The following ADGRL3 variants were observed in gnomAD, a reference collection of about 807,000 sequenced individuals.
The protein encoded by ADGRL3 is calcium-independent alpha-latrotoxin receptor 3.
Under a neutral mutation model 153.5 loss-of-function variants are expected in ADGRL3, and 62 were observed. The observed-to-expected ratio is 0.40, with a 90% CI of 0.33 to 0.50. The LOEUF (loss-of-function observed/expected upper bound fraction) is 0.50. Ranked by LOEUF, ADGRL3 falls within the 20% of genes least tolerant of loss-of-function variation. ADGRL3 has a pLI of 0.47. For missense variants in ADGRL3, 1,641 were observed against 1,859.4 expected (o/e 0.88, Z 2.16); for synonymous variants, 710 against 672.5 (o/e 1.06, Z -0.86).
At chr4:61,755,463 G>A (rs1382380908) in intron 8 of ADGRL3, among the ~76,000 whole-genome samples, 11 of 152,124 alleles carry the variant, frequency 7.2e-5, no homozygotes, top group Non-Finnish European at 1.5e-5. Context: ...TTTTGATGGG[G>A]TTGTTTGTTT....
chr4:61,833,708 A>G (rs148397436), intron 9 of ADGRL3, among the ~76,000 whole-genome samples: 2,310 of 152,182 alleles, frequency 0.015, 54 homozygotes, highest in African/African-American at 0.049. Context: ...TGACTCCTAA[A>G]CCACAATTTC....
rs969258292 is a variant in ADGRL3 at position 62,037,518 on chromosome 4, G to A, written c.3592-213G>A. Reference sequence around the variant, plus strand: ...TGTGTGTATAAGTGTGTGTGTGTGTGTTTTAAAAGGCTCCAGTTAGGCAAA... The same window carrying A: ...TGTGTGTATAAGTGTGTGTGTGTGTATTTTAAAAGGCTCCAGTTAGGCAAA... On this transcript the variant is annotated intron_variant, in intron 23 of 26. Coordinates refer to ENST00000683033, the MANE Select transcript of ADGRL3 (RefSeq NM_001387552.1). 6.6e-5 allele frequency among the ~76,000 whole-genome samples: 10 copies of A among 152,048 alleles called. 1 individual carries two copies. Among genetic ancestry groups the A allele is most frequent in the South Asian group, 4.1e-4 (2 of 4,832 alleles).
At chr4:61,279,872 T>C (rs1390284354) in intron 1 of ADGRL3, among the ~76,000 whole-genome samples, 1 of 152,098 alleles carries the variant, frequency 6.6e-6, no homozygotes, top group Non-Finnish European at 1.5e-5. Flanking sequence ...TTAACCCCTT[T>C]GGCCAAAGTT....
At chr4:61,729,704 T>C (rs2096407364) in intron 6 of ADGRL3, among the ~76,000 whole-genome samples, 1 of 151,986 alleles carries the variant, frequency 6.6e-6, no homozygotes, top group Non-Finnish European at 1.5e-5. Flanking sequence ...ATTGTCTCTG[T>C]GAAACAAAAT....
chr4:61,686,256 A>T (rs7690118), intron 6 of ADGRL3, among the ~76,000 whole-genome samples: 85,000 of 151,848 alleles, frequency 0.56, 24,562 homozygotes, highest in Non-Finnish European at 0.66. Context: ...AAGAATAGTA[A>T]AAGACATACA....
At chr4:61,419,578 G>A (rs891681411) in intron 2 of ADGRL3, among the ~76,000 whole-genome samples, 2 of 152,042 alleles carry the variant, frequency 1.3e-5, no homozygotes, top group African/African-American at 4.8e-5. Flanking sequence ...AGAATACCCC[G>A]AGTACCCACA....
At chr4:61,565,796 C>A (rs763784220) in intron 4 of ADGRL3, among the ~76,000 whole-genome samples, 23 of 152,056 alleles carry the variant, frequency 1.5e-4, no homozygotes, top group Non-Finnish European at 3.2e-4. Context: ...CCTAGGCCTC[C>A]CAAAGTGCTG....
intron 1 of ADGRL3, among the ~76,000 whole-genome samples, chr4:61,344,619 G>A (rs908839978): frequency 6.6e-6 from 1 of 151,822 alleles, no homozygotes; most frequent in African/African-American, 2.4e-5. Context: ...GTTTTACAGT[G>A]TGAGATTGGT....
chr4:61,693,264 T>C (rs2095573856), intron 6 of ADGRL3, among the ~76,000 whole-genome samples: 1 of 152,124 alleles, frequency 6.6e-6, no homozygotes, highest in Non-Finnish European at 1.5e-5. Context: ...TAGTTTCCTA[T>C]ATAAAGTAAC....
At chr4:61,203,050 G>C (rs887362790) in intron 1 of ADGRL3, among the ~76,000 whole-genome samples, 1 of 152,190 alleles carries the variant, frequency 6.6e-6, no homozygotes, top group East Asian at 1.9e-4. Context: ...GGCGACATGC[G>C]TGCGGCGCGT....
intron 1 of ADGRL3, among the ~76,000 whole-genome samples, chr4:61,239,878 A>G (rs2149308791): frequency 6.6e-6 from 1 of 152,262 alleles, no homozygotes; most frequent in South Asian, 2.1e-4. Flanking sequence ...AGAATTGGCT[A>G]TGATGTTTAA....
intron 4 of ADGRL3, among the ~76,000 whole-genome samples, chr4:61,535,297 A>T (rs780179313): frequency 2.0e-5 from 3 of 151,874 alleles, no homozygotes; most frequent in Non-Finnish European, 4.4e-5. Context: ...GACCCATTTG[A>T]TCGTGATGGA....
intron 1 of ADGRL3, among the ~76,000 whole-genome samples, chr4:61,341,389 TA>T (rs945114642): frequency 1.3e-5 from 2 of 151,768 alleles, no homozygotes; most frequent in African/African-American, 4.8e-5. Flanking sequence ...CAGAAGTATG[TA>T]AAATAAAAAG....
chr4:61,279,604 T>G (rs2093633003), intron 1 of ADGRL3, among the ~76,000 whole-genome samples: 1 of 152,174 alleles, frequency 6.6e-6, no homozygotes, highest in Admixed American at 6.5e-5. Context: ...TGATTCTATA[T>G]GTATAAAAGT....
At chr4:62,009,929 T>C (rs1157281252) in intron 21 of ADGRL3, among the ~76,000 whole-genome samples, 1 of 152,146 alleles carries the variant, frequency 6.6e-6, no homozygotes, top group African/African-American at 2.4e-5. Context: ...AGAAAAGTGC[T>C]GTACTTCTGA....
chr4:61,237,148 A>G (rs1477245343), intron 1 of ADGRL3, among the ~76,000 whole-genome samples: 1 of 152,188 alleles, frequency 6.6e-6, no homozygotes, highest in African/African-American at 2.4e-5. Context: ...ATGCATGAGT[A>G]GTTAGCAATG....
At chr4:62,043,733 G>GA (rs541705415) in intron 24 of ADGRL3, among the ~76,000 whole-genome samples, 11 of 151,748 alleles carry the variant, frequency 7.2e-5, no homozygotes, top group South Asian at 4.2e-4. Flanking sequence ...GAATAAAAAA[G>GA]AAAAAAATCC....
At chr4:61,280,111 T>C (rs1194660137) in intron 1 of ADGRL3, among the ~76,000 whole-genome samples, 4 of 121,780 alleles carry the variant, frequency 3.3e-5, no homozygotes, top group African/African-American at 1.2e-4. Context: ...TCTTTTCTTT[T>C]TCTTTTTTTT....
At chr4:62,005,967 T>TAC (rs59783179) in intron 21 of ADGRL3, among the ~76,000 whole-genome samples, 4,770 of 67,562 alleles carry the variant, frequency 0.071, 189 homozygotes, top group East Asian at 0.092. Flanking sequence ...TATATACACA[T>TAC]ACACACACAC....
Sources: allele counts gnomAD v4.1 joint callset (sites outside exome capture counted in the v4.1 genomes callset), GRCh38; gene constraint gnomAD v4.1.1; transcripts MANE v1.5; gene names NCBI Gene and HGNC (gene_info 2026-07-23, HGNC 2026-07-21).